ZNF469: variants seen among roughly 807,000 people sequenced by gnomAD.
ZNF469 encodes zinc finger protein 469.
In ZNF469, 1 loss-of-function variant was observed where a neutral mutation model predicts 1.0. That is an observed-to-expected ratio of 1.00 (90% confidence interval 0.35 to 4.73). The LOEUF (loss-of-function observed/expected upper bound fraction) is 4.73. Ranked by LOEUF, ZNF469 falls within the 30% of genes most tolerant of loss-of-function variation. The pLI is 0.16. For synonymous variants in ZNF469, 2,703 were observed against 2,363.4 expected (o/e 1.14, Z -4.17); for missense variants, 6,100 against 5,356.3 (o/e 1.14, Z -4.33).
At chr16:88,110,535 C>T in the ZNF469 span, among the ~76,000 whole-genome samples, 18 of 152,242 alleles carry the variant, frequency 1.2e-4, no homozygotes, top group African/African-American at 3.9e-4. Flanking sequence ...ACCCACATGG[C>T]GTGAGCAGCT....
chr16:88,344,921 C>T, the ZNF469 span, among the ~76,000 whole-genome samples: 2 of 152,220 alleles, frequency 1.3e-5, no homozygotes, highest in Non-Finnish European at 2.9e-5. Flanking sequence ...TTTCCTGCAA[C>T]CTTCCAGGTG....
chr16:88,161,439 A>G, the ZNF469 span, among the ~76,000 whole-genome samples: 9 of 152,322 alleles, frequency 5.9e-5, no homozygotes, highest in East Asian at 1.7e-3. Context: ...GGAGGTGCAG[A>G]GTGACTAGAC....
the ZNF469 span, among the ~76,000 whole-genome samples, chr16:88,225,365 C>A: frequency 6.6e-6 from 1 of 152,248 alleles, no homozygotes; most frequent in Non-Finnish European, 1.5e-5. Context: ...GTCTCCACTG[C>A]TTATCCCAAA....
the ZNF469 span, among the ~76,000 whole-genome samples, chr16:88,330,110 A>T: frequency 2.0e-5 from 3 of 152,216 alleles, no homozygotes; most frequent in African/African-American, 7.2e-5. Context: ...TGGCCTTCTG[A>T]CTTTCGGTTA....
the ZNF469 span, among the ~76,000 whole-genome samples, chr16:88,361,864 T>C: frequency 5.2e-4 from 79 of 152,240 alleles, no homozygotes; most frequent in African/African-American, 1.8e-3. Context: ...TCATCGTGAC[T>C]GAGTCTGGGG....
At chr16:88,314,283 A>G in the ZNF469 span, among the ~76,000 whole-genome samples, 150 of 83,328 alleles carry the variant, frequency 1.8e-3, 4 homozygotes, top group Middle Eastern at 7.6e-3. Flanking sequence ...GGTGTGGACT[A>G]TCATCTCTGT....
the ZNF469 span, among the ~76,000 whole-genome samples, chr16:88,308,227 C>G: frequency 2.9e-4 from 44 of 152,342 alleles, no homozygotes; most frequent in Middle Eastern, 3.4e-3. Context: ...CTCTTGACTT[C>G]TGTGCTTTTG....
chr16:88,430,253 C>A lies in ZNF469; in HGVS notation c.2783C>A (p.Ser928Tyr), dbSNP rs1342047498. The change falls in exon 3 of 3, where the codon TCC becomes TAC. Residue 928 changes from serine to tyrosine, a missense_variant. By Grantham distance (144) the Ser-to-Tyr change is moderately radical. Coordinates refer to ENST00000565624, the MANE Select transcript of ZNF469 (RefSeq NM_001367624.2). ...GCCCGAGGCAGGCCCAAAACGCGTTCCCTGGGTCTGGCCCCCACCGAGGCG... is the reference window on the plus strand; with the variant it reads ...GCCCGAGGCAGGCCCAAAACGCGTTACCTGGGTCTGGCCCCCACCGAGGCG... ...CPARGRPKTRSLGLAPTEADA... is the reference protein window; with the variant it reads ...CPARGRPKTRYLGLAPTEADA... 4.2e-5 allele frequency: 64 copies of A among 1,524,930 alleles called. No individual in the cohort carries two copies. The highest frequency in any genetic ancestry group is 5.3e-5 in the Non-Finnish European group (60 of 1,136,094). The allele number at this position is 1,524,930 out of a possible 1,614,324, so 94.5% of individuals were successfully genotyped here.
At chr16:88,416,909 G>T (rs77767220) in intron 1 of ZNF469, among the ~76,000 whole-genome samples, 2 of 152,258 alleles carry the variant, frequency 1.3e-5, no homozygotes, top group African/African-American at 4.8e-5. Context: ...TCCTGCGGTC[G>T]GCGTCTACCC....
At chr16:88,401,930 GGATAGATACGTGGGTGGATGGGAA>G (rs879596097) in intron 1 of ZNF469, among the ~76,000 whole-genome samples, 33,925 of 135,736 alleles carry the variant, frequency 0.25, 1,300 homozygotes, top group African/African-American at 0.32. Flanking sequence ...ATGGATGGAT[GGATAGATACGTGGGTGGATGGGAA>G]GATGGATGGG....
At chr16:88,322,071 G>A in the ZNF469 span, among the ~76,000 whole-genome samples, 3 of 152,242 alleles carry the variant, frequency 2.0e-5, no homozygotes, top group African/African-American at 7.2e-5. Context: ...GTCCCTGTGG[G>A]CCTGGACGAG....
the ZNF469 span, among the ~76,000 whole-genome samples, chr16:88,105,321 T>C: frequency 1.3e-5 from 1 of 74,336 alleles, no homozygotes; most frequent in Non-Finnish European, 2.8e-5. Context: ...TTTTTTTTTT[T>C]GAGACAGAGT....
chr16:88,249,996 G>A, the ZNF469 span, among the ~76,000 whole-genome samples: 1,706 of 152,322 alleles, frequency 0.011, 32 homozygotes, highest in African/African-American at 0.039. Flanking sequence ...GGCTCCTCAA[G>A]TGAAAATGTC....
At chr16:88,268,798 G>A in the ZNF469 span, among the ~76,000 whole-genome samples, 24 of 152,178 alleles carry the variant, frequency 1.6e-4, no homozygotes, top group African/African-American at 5.5e-4. Flanking sequence ...CCAGACACTC[G>A]CTTGAAGTAC....
chr16:88,211,538 C>G, the ZNF469 span, among the ~76,000 whole-genome samples: 1 of 151,394 alleles, frequency 6.6e-6, no homozygotes, highest in African/African-American at 2.4e-5. Flanking sequence ...GACCCTGGGT[C>G]CTGTAACAAA....
chr16:88,137,363 T>C, the ZNF469 span, among the ~76,000 whole-genome samples: 2 of 152,174 alleles, frequency 1.3e-5, no homozygotes, highest in Non-Finnish European at 2.9e-5. Context: ...CTGTAAACAG[T>C]CATATGTGCA....
chr16:88,438,569 G>C lies in ZNF469; in HGVS notation c.11099G>C (p.Arg3700Thr). 6.5e-7 allele frequency: 1 copy of C among 1,550,168 alleles called. No individual in the cohort carries two copies. The highest frequency in any genetic ancestry group is 8.7e-7 in the Non-Finnish European group (1 of 1,146,946). Residue 3700 changes from arginine (R) to threonine (T), a missense_variant, in exon 3 of 3, where the codon AGG becomes ACG. Arg to Thr is a moderately conservative substitution (Grantham distance 71). Coordinates refer to ENST00000565624, the MANE Select transcript of ZNF469 (RefSeq NM_001367624.2). ...GCACTCAAGTTCCCAGTGCACCCAA[G>C]GAAGGCGGTGGGGAGCCTGGCACCC... ...SKALKFPVHP[R>T]KAVGSLAPGE...
At position 88,430,976 on chromosome 16, in the gene ZNF469, C is replaced by G. The variant is rs769853271; in HGVS notation, c.3506C>G (p.Pro1169Arg). The change falls in exon 3 of 3, where the codon CCT becomes CGT. Residue 1169 changes from proline (P) to arginine (R), a missense_variant. Pro to Arg is a moderately radical substitution (Grantham distance 103). Transcript: ENST00000565624. ...TCTCGCCCGGGCCCCGGCAGGAGCCCTCAGGCCCGTGGCCCGTCTCGAAGC... is the reference window on the plus strand; with the variant it reads ...TCTCGCCCGGGCCCCGGCAGGAGCCGTCAGGCCCGTGGCCCGTCTCGAAGC... ...GGSRPGPGRS[P>R]QARGPSRSLE... 1 of 1,540,228 alleles carries G rather than the reference C, an allele frequency of 6.5e-7. No homozygotes were observed. The highest frequency in any genetic ancestry group is 8.7e-7 in the Non-Finnish European group (1 of 1,146,474).
In ZNF469 at chr16:88,429,896, A is replaced by ACGAC; in HGVS notation, c.2428_2431dup (p.Pro811ArgfsTer28). On this transcript the variant is annotated frameshift_variant, in exon 3 of 3. Coordinates refer to ENST00000565624, the MANE Select transcript of ZNF469 (RefSeq NM_001367624.2). LOFTEE classifies it low-confidence loss of function (END_TRUNC). The stretch of plus-strand genomic sequence containing the variant: ...GGGGACGCCCAGGCCGAGGGCAAAG[A>ACGAC]CGACCCCCTGAGGACAGGCTTCCTG... 1 of 1,550,068 alleles carries ACGAC rather than the reference A, an allele frequency of 6.5e-7. No individual in the cohort carries two copies. Among genetic ancestry groups the ACGAC allele is most frequent in the Non-Finnish European group, 8.7e-7 (1 of 1,146,866 alleles).
Sources: allele counts gnomAD v4.1 joint callset (sites outside exome capture counted in the v4.1 genomes callset), GRCh38; gene constraint gnomAD v4.1.1; transcripts MANE v1.5; gene names NCBI Gene and HGNC (gene_info 2026-07-23, HGNC 2026-07-21).